VEGFD: variants seen among roughly 807,000 people sequenced by gnomAD.
The protein encoded by VEGFD is vascular endothelial growth factor D, also known as c-fos induced growth factor (vascular endothelial growth factor D).
VEGFD carries 26 observed loss-of-function variants against 28.0 expected under a neutral mutation model. That is an observed-to-expected ratio of 0.93 (90% confidence interval 0.68 to 1.29). The LOEUF (loss-of-function observed/expected upper bound fraction) is 1.29. VEGFD is among the 50% of genes most tolerant of loss of function. The probability of loss-of-function intolerance (pLI) is 0.00; values close to 1 mark genes in which losing one functional copy is unlikely to be tolerated. For synonymous variants in VEGFD, 93 were observed against 95.5 expected, an observed-to-expected ratio of 0.97 and a Z score of 0.15; for missense variants, 294 against 273.4, an observed-to-expected ratio of 1.08 and a Z score of -0.53.
chrX:15,347,980 A>C (rs1602219590), intron 5 of VEGFD, among the ~76,000 whole-genome samples: 1 of 112,797 alleles, frequency 8.9e-6, no homozygotes, highest in East Asian at 2.8e-4. Context: ...GGTGTATAAA[A>C]CAATTGAATA....
intron 1 of VEGFD, among the ~76,000 whole-genome samples, chrX:15,372,760 A>C (rs1044398631): frequency 8.9e-6 from 1 of 112,119 alleles, no homozygotes; most frequent in African/African-American, 3.2e-5. Flanking sequence ...TAGTCTTCAA[A>C]CAGTCGATGC....
intron 5 of VEGFD, chrX:15,347,594 G>T: frequency 3.6e-6 from 1 of 279,671 alleles, no homozygotes; most frequent in Non-Finnish European, 6.3e-6. Flanking sequence ...ATCATAAGCT[G>T]AATATTTTTC....
chrX:15,356,901 A>G (rs1303942661), intron 3 of VEGFD, among the ~76,000 whole-genome samples: 2 of 112,388 alleles, frequency 1.8e-5, no homozygotes, highest in Admixed American at 1.9e-4. Context: ...TCTATTAACA[A>G]AACAAATCAG....
chrX:15,364,994 T>C (rs1923110721), intron 1 of VEGFD, among the ~76,000 whole-genome samples: 1 of 112,335 alleles, frequency 8.9e-6, no homozygotes. Context: ...CTAAGTCATG[T>C]GTGATTCAGC....
At position 15,347,178 on chromosome X, in the gene VEGFD, G is replaced by A. The variant is rs1274776062; in HGVS notation, c.924C>T (p.His308=). 3.3e-6 allele frequency: 4 copies of A among 1,207,984 alleles called. No homozygotes were observed. The highest frequency in any genetic ancestry group is 3.5e-5 in the South Asian group (2 of 56,410). The change falls in exon 6 of 7, where the codon CAC becomes CAT. Residue 308 remains histidine, a synonymous_variant. Coordinates refer to ENST00000297904, the MANE Select transcript of VEGFD (RefSeq NM_004469.5). ...ETCCQKHKLF[H]PDTCSCEDRC... is the part of the protein sequence containing the mutation. ...AAGGCATTTACCTGCAGGTGTCTGG[G>A]TGAAATAGCTTGTGCTTCTGGCAGC...
At chrX:15,370,207 C>A (rs1307712935) in intron 1 of VEGFD, among the ~76,000 whole-genome samples, 1 of 111,733 alleles carries the variant, frequency 8.9e-6, no homozygotes, top group Non-Finnish European at 1.9e-5. Flanking sequence ...ATCTGCTTGT[C>A]TTCCCCACTA....
chrX:15,381,692 C>T lies in VEGFD; in HGVS notation c.90+2165G>A, dbSNP rs1387493728. On this transcript the variant is annotated intron_variant, in intron 1 of 6. Coordinates refer to ENST00000297904, the MANE Select transcript of VEGFD (RefSeq NM_004469.5). ...CTTAAAAGTTGGGGAAAAAAGAAAA[C>T]TATAACCAATATTATATATCTCATT... Among the ~76,000 whole-genome samples, 3 of 111,355 alleles carry T rather than the reference C, an allele frequency of 2.7e-5. No homozygotes were observed. In the Admixed American group the frequency reaches 2.9e-4, roughly 11 times the overall value.
intron 3 of VEGFD, among the ~76,000 whole-genome samples, chrX:15,355,723 G>A (rs1922852154): frequency 8.9e-6 from 1 of 112,334 alleles, no homozygotes; most frequent in Admixed American, 9.4e-5. Flanking sequence ...TTTGGCTAGT[G>A]GGATGTTAGC....
intron 1 of VEGFD, among the ~76,000 whole-genome samples, chrX:15,377,451 A>G (rs1336415969): frequency 1.8e-5 from 2 of 111,941 alleles, no homozygotes; most frequent in Non-Finnish European, 3.8e-5. Flanking sequence ...AATTTTTTTT[A>G]TTCCATCTCC....
chrX:15,347,383 G>A lies in VEGFD; in HGVS notation c.743-24C>T. The stretch of plus-strand genomic sequence containing the variant: ...GTCTAAAGAGAAACAGAAACGTGTT[G>A]GTCAGATAGTTGTAGTGTGGCAATT... On this transcript the variant is annotated intron_variant, in intron 5 of 6. Coordinates refer to ENST00000297904, the MANE Select transcript of VEGFD (RefSeq NM_004469.5). 5.2e-6 allele frequency: 6 copies of A among 1,147,464 alleles called. No individual in the cohort carries two copies. The East Asian group carries it at 1.2e-4, about 23-fold the overall frequency. The allele number at this position is 1,147,464 out of a possible 1,213,427, so 94.6% of individuals were successfully genotyped here.
chrX:15,369,060 C>G (rs1272567456), intron 1 of VEGFD, among the ~76,000 whole-genome samples: 1 of 111,793 alleles, frequency 8.9e-6, no homozygotes, highest in Non-Finnish European at 1.9e-5. Flanking sequence ...TAAGTTCACA[C>G]AGCATTCTCC....
At chrX:15,374,821 G>A (rs1923397319) in intron 1 of VEGFD, among the ~76,000 whole-genome samples, 1 of 107,366 alleles carries the variant, frequency 9.3e-6, no homozygotes. Flanking sequence ...TGAGGATATG[G>A]TATTTGACTT....
At chrX:15,377,546 AAGG>A (rs775500077) in intron 1 of VEGFD, among the ~76,000 whole-genome samples, 1 of 112,373 alleles carries the variant, frequency 8.9e-6, no homozygotes, top group South Asian at 3.7e-4. Context: ...TCTACAGTCA[AAGG>A]TGTGTTCAGA....
At chrX:15,367,274 C>T (rs897385207) in intron 1 of VEGFD, among the ~76,000 whole-genome samples, 1 of 112,062 alleles carries the variant, frequency 8.9e-6, no homozygotes, top group African/African-American at 3.2e-5. Flanking sequence ...TCTCACTTTT[C>T]GATAAAGTTT....
Position 15,347,248 on chromosome X carries a change from G to A in VEGFD, c.854C>T (p.Pro285Leu). ...GCACTCAAAGCAACTGCAGTTTTTGGGGTGCTGGATTAGATCTTTGGGACA... is the reference window on the plus strand; with the variant it reads ...GCACTCAAAGCAACTGCAGTTTTTGAGGTGCTGGATTAGATCTTTGGGACA... ...TPCPKDLIQHPKNCSCFECKE... is the reference protein window; with the variant it reads ...TPCPKDLIQHLKNCSCFECKE... Residue 285 changes from proline to leucine, a missense_variant, in exon 6 of 7, where the codon CCC (proline) becomes CTC (leucine). Pro to Leu is a moderately conservative substitution (Grantham distance 98). Transcript: ENST00000297904. 8.3e-7 allele frequency: 1 copy of A among 1,211,501 alleles called. No individual in the cohort carries two copies. The highest frequency in any genetic ancestry group is 1.1e-6 in the Non-Finnish European group (1 of 895,312).
At position 15,357,992 on chromosome X, in the gene VEGFD, T is replaced by C. The variant is rs780902077; in HGVS notation, c.492+11A>G. ...GCTTTAGAGACGGCAGGCTTGCCGATGTCCTTATACCTGTTTGGAAATGTA... is the reference window on the plus strand; with the variant it reads ...GCTTTAGAGACGGCAGGCTTGCCGACGTCCTTATACCTGTTTGGAAATGTA... On this transcript the variant is annotated intron_variant, in intron 3 of 6. Coordinates refer to ENST00000297904, the MANE Select transcript of VEGFD (RefSeq NM_004469.5). 2.5e-6 allele frequency: 3 copies of C among 1,197,948 alleles called. No individual in the cohort carries two copies. Among genetic ancestry groups the C allele is most frequent in the South Asian group, 1.8e-5 (1 of 54,543 alleles).
At chrX:15,359,367 T>A (rs1181652324) in intron 2 of VEGFD, among the ~76,000 whole-genome samples, 2 of 99,572 alleles carry the variant, frequency 2.0e-5, no homozygotes, top group Non-Finnish European at 4.0e-5. Flanking sequence ...GCAGGCTTTT[T>A]TTTTTTTTTT....
At chrX:15,366,100 G>A (rs1284659851) in intron 1 of VEGFD, among the ~76,000 whole-genome samples, 2 of 111,226 alleles carry the variant, frequency 1.8e-5, no homozygotes, top group Non-Finnish European at 3.8e-5. Context: ...TCCACCTCCC[G>A]GGTTCACGCC....
chrX:15,383,047 C>T (rs773201787), intron 1 of VEGFD, among the ~76,000 whole-genome samples: 4 of 112,005 alleles, frequency 3.6e-5, no homozygotes, highest in African/African-American at 1.3e-4. Context: ...TAAACAACAG[C>T]TACAAAAACT....
Sources: gnomAD v4.1 joint callset for allele counts (sites outside exome capture counted in the v4.1 genomes callset) on GRCh38, gnomAD v4.1.1 for gene constraint, MANE v1.5 for transcripts, NCBI Gene and HGNC (gene_info 2026-07-23, HGNC 2026-07-21) for gene names.